The following KLHL32 variants were observed in gnomAD, a reference collection of about 807,000 sequenced individuals.
KLHL32 encodes kelch like family member 32.
In KLHL32, 35 loss-of-function variants were observed where a neutral mutation model predicts 64.8. The observed-to-expected ratio is 0.54, with a 90% CI of 0.41 to 0.72. The LOEUF is 0.72. Among genes scored for constraint, KLHL32 ranks in the 30% least tolerant of loss-of-function variants. The pLI is 0.00. For missense variants in KLHL32, 589 were observed against 768.5 expected (o/e 0.77, Z 2.76); for synonymous variants, 259 against 281.0 (o/e 0.92, Z 0.78).
intron 4 of KLHL32, among the ~76,000 whole-genome samples, chr6:97,054,044 A>G (rs1582861033): frequency 6.6e-6 from 1 of 152,166 alleles, no homozygotes. Context: ...CAGTATTTGT[A>G]TGAAGCAGCA....
At chr6:97,016,905 T>C (rs903679434) in intron 3 of KLHL32, among the ~76,000 whole-genome samples, 5 of 152,160 alleles carry the variant, frequency 3.3e-5, no homozygotes, top group Non-Finnish European at 7.3e-5. Flanking sequence ...TCCCCTTCAC[T>C]CTCTTCTGTC....
intron 1 of KLHL32, among the ~76,000 whole-genome samples, chr6:96,962,265 A>AC (rs1322851993): frequency 6.6e-6 from 1 of 152,170 alleles, no homozygotes; most frequent in Non-Finnish European, 1.5e-5. Context: ...AAGAGGTTAG[A>AC]CCCCATCAAT....
chr6:96,990,703 C>T (rs9487676), intron 3 of KLHL32, among the ~76,000 whole-genome samples: 1 of 150,416 alleles, frequency 6.6e-6, no homozygotes, highest in Non-Finnish European at 1.5e-5. Flanking sequence ...GAGCTGCTAC[C>T]AGTTGGTGTG....
At chr6:96,917,165 A>G in the KLHL32 span, among the ~76,000 whole-genome samples, 1 of 152,242 alleles carries the variant, frequency 6.6e-6, no homozygotes, top group Non-Finnish European at 1.5e-5. Context: ...AACCAAACTT[A>G]AACAGAAAAT....
intron 7 of KLHL32, among the ~76,000 whole-genome samples, chr6:97,118,953 A>G (rs1798090345): frequency 6.6e-6 from 1 of 152,224 alleles, no homozygotes; most frequent in Admixed American, 6.5e-5. Flanking sequence ...AGCACCTAAA[A>G]TAATTGAGGA....
At chr6:97,123,507 C>A (rs1344434641) in intron 7 of KLHL32, among the ~76,000 whole-genome samples, 1 of 152,110 alleles carries the variant, frequency 6.6e-6, no homozygotes, top group Non-Finnish European at 1.5e-5. Context: ...TGCAGTATAT[C>A]TTTAAGTCAC....
At position 97,112,765 on chromosome 6, in the gene KLHL32, TAAAA is replaced by T. The variant is rs34565706; in HGVS notation, c.628-1010_628-1007del. ...TGGCCCTGATGAATTTTTTTAATTT[TAAAA>T]AAAAAAAGGAGAATTTCTTAAAACT... On this transcript the variant is annotated intron_variant, in intron 6 of 10. Coordinates refer to ENST00000369261, the MANE Select transcript of KLHL32 (RefSeq NM_052904.4). Among the ~76,000 whole-genome samples the T allele has an allele frequency of 2.6e-3, 379 of 144,778 alleles. 3 individuals carry two copies. Among genetic ancestry groups the T allele is most frequent in the African/African-American group, 8.9e-3 (357 of 39,958 alleles). 95.0% of individuals were successfully genotyped at this position (144,778 alleles called of 152,430 possible). A position where few individuals can be genotyped will look rare whatever the true frequency, so the allele number is the denominator to read the frequency against.
At chr6:97,088,443 T>G (rs1443743338) in intron 6 of KLHL32, among the ~76,000 whole-genome samples, 1 of 152,210 alleles carries the variant, frequency 6.6e-6, no homozygotes. Context: ...AATTAGAACT[T>G]CATTTCAGTA....
intron 1 of KLHL32, among the ~76,000 whole-genome samples, chr6:96,960,032 T>C (rs532421924): frequency 1.3e-5 from 2 of 152,320 alleles, no homozygotes; most frequent in East Asian, 3.9e-4. Context: ...TATTTATTAC[T>C]TGTGTGTCTT....
intron 5 of KLHL32, among the ~76,000 whole-genome samples, chr6:97,069,445 T>G (rs1328828832): frequency 6.7e-6 from 1 of 149,188 alleles, no homozygotes; most frequent in Non-Finnish European, 1.5e-5. Context: ...AGTAAGAAAC[T>G]ATGTTTCCAC....
At chr6:97,019,358 T>C (rs541911585) in intron 3 of KLHL32, among the ~76,000 whole-genome samples, 2 of 152,122 alleles carry the variant, frequency 1.3e-5, no homozygotes, top group African/African-American at 2.4e-5. Flanking sequence ...GAAGGAGAAG[T>C]TGGTCTTCAA....
chr6:97,019,039 T>C (rs1781623521), intron 3 of KLHL32, among the ~76,000 whole-genome samples: 3 of 152,308 alleles, frequency 2.0e-5, no homozygotes, highest in African/African-American at 7.2e-5. Flanking sequence ...AAGTACATAA[T>C]TGGACATAAA....
chr6:96,921,332 G>A (rs916509906), upstream of KLHL32, among the ~76,000 whole-genome samples: 7 of 152,172 alleles, frequency 4.6e-5, no homozygotes, highest in African/African-American at 1.7e-4. Flanking sequence ...ATGTAAACAT[G>A]AAATAGTTTA....
intron 3 of KLHL32, among the ~76,000 whole-genome samples, chr6:96,982,491 C>T (rs1194389326): frequency 6.6e-6 from 1 of 152,130 alleles, no homozygotes; most frequent in Non-Finnish European, 1.5e-5. Flanking sequence ...TTGGGTCTTT[C>T]CTTTATCAAA....
intron 6 of KLHL32, among the ~76,000 whole-genome samples, chr6:97,090,597 C>T (rs961574265): frequency 3.9e-5 from 6 of 152,138 alleles, no homozygotes; most frequent in African/African-American, 1.2e-4. Flanking sequence ...TTTTATCCTT[C>T]GATGATAAAT....
intron 3 of KLHL32, among the ~76,000 whole-genome samples, chr6:97,008,924 G>A (rs915068830): frequency 1.3e-5 from 2 of 151,928 alleles, no homozygotes; most frequent in Non-Finnish European, 2.9e-5. Flanking sequence ...CTCCCCAGCC[G>A]CATTTTTATA....
intron 6 of KLHL32, among the ~76,000 whole-genome samples, chr6:97,094,138 G>A (rs1344252187): frequency 1.3e-5 from 2 of 152,160 alleles, no homozygotes; most frequent in African/African-American, 4.8e-5. Context: ...ATAAATGTTA[G>A]TCTCTTTCCA....
intron 1 of KLHL32, among the ~76,000 whole-genome samples, chr6:96,965,739 C>A (rs28360505): frequency 0.2 from 29,884 of 152,146 alleles, 3,448 homozygotes; most frequent in East Asian, 0.29. Context: ...AACAACGTGC[C>A]TTGAATTATT....
intron 3 of KLHL32, among the ~76,000 whole-genome samples, chr6:97,009,963 C>A (rs1780156283): frequency 6.6e-6 from 1 of 151,926 alleles, no homozygotes; most frequent in African/African-American, 2.4e-5. Context: ...GAGGGCCCCA[C>A]ACAGAGGCTT....
Sources: allele counts gnomAD v4.1 joint callset (sites outside exome capture counted in the v4.1 genomes callset), GRCh38; gene constraint gnomAD v4.1.1; transcripts MANE v1.5; gene names NCBI Gene and HGNC (gene_info 2026-07-23, HGNC 2026-07-21).